The following TCEA3 variants were observed in gnomAD, a reference collection of about 807,000 sequenced individuals.
The protein encoded by TCEA3 is transcription elongation factor A3, also known as transcription elongation factor A protein 3.
TCEA3 carries 36 observed loss-of-function variants against 44.0 expected under a neutral mutation model. The ratio of observed to expected loss-of-function variants is 0.82; its 90% CI spans 0.63 to 1.08. The LOEUF (loss-of-function observed/expected upper bound fraction) is 1.08. Ranked by LOEUF, TCEA3 falls within the 50% of genes least tolerant of loss-of-function variation. The probability of loss-of-function intolerance (pLI) is 0.00; values close to 1 mark genes in which losing one functional copy is unlikely to be tolerated. For synonymous variants in TCEA3, 162 were observed against 159.7 expected (o/e 1.01, Z -0.11); for missense variants, 392 against 441.2 (o/e 0.89, Z 1.00).
At chr1:23,414,215 C>A (rs72661446) in intron 4 of TCEA3, among the ~76,000 whole-genome samples, 14,370 of 151,568 alleles carry the variant, frequency 0.095, 833 homozygotes, top group Non-Finnish European at 0.13. Flanking sequence ...CCTCAGCCTC[C>A]CAAGTAGCTG....
chr1:23,424,614 A>G lies in TCEA3; in HGVS notation c.20T>C (p.Leu7Pro). Residue 7 changes from leucine to proline, a missense_variant, in exon 1 of 11, where the codon CTG (leucine) becomes CCG (proline). Physicochemically the swap from Leu to Pro is moderately conservative, Grantham distance 98. Coordinates refer to ENST00000450454, the MANE Select transcript of TCEA3 (RefSeq NM_003196.3). ...CTCCAGCTTTTTGGCGATCCTCAGC[A>G]GCTCCTCTTCCTGGCCCATGTTGGC... MGQEEE[L>P]LRIAKKLEKM... is the part of the protein sequence containing the mutation. 1 of 1,608,252 alleles carries G rather than the reference A, an allele frequency of 6.2e-7. No individual in the cohort carries two copies.
At chr1:23,399,176 A>ATATATATATATATG (rs1392964847) in intron 5 of TCEA3, among the ~76,000 whole-genome samples, 1 of 141,922 alleles carries the variant, frequency 7.0e-6, no homozygotes, top group Non-Finnish European at 1.5e-5. Flanking sequence ...ATATATATAT[A>ATATATATATATATG]TATCCATATG....
intron 8 of TCEA3, among the ~76,000 whole-genome samples, chr1:23,388,676 A>T (rs1233126127): frequency 1.3e-5 from 2 of 151,804 alleles, no homozygotes; most frequent in Admixed American, 6.6e-5. Context: ...TGCATTTTTT[A>T]AAGTTCTTTA....
Position 23,424,576 on chromosome 1 carries a change from T to G in TCEA3, c.58A>C (p.Arg20=). 6.2e-7 allele frequency: 1 copy of G among 1,608,180 alleles called. No homozygotes were observed. The highest frequency in any genetic ancestry group is 8.5e-7 in the Non-Finnish European group (1 of 1,178,918). The change falls in exon 1 of 11, where the codon AGG becomes CGG. Residue 20 remains arginine, a synonymous_variant. Coordinates refer to ENST00000450454, the MANE Select transcript of TCEA3 (RefSeq NM_003196.3). ...IAKKLEKMVA[R]KNTEGALDLL... ...CTCTGCAGCCTCACCGTGTTCTTCC[T>G]GGCCACCATCTTCTCCAGCTTTTTG...
chr1:23,399,400 A>T lies in TCEA3; in HGVS notation c.444-1445T>A, dbSNP rs115542625. Among the ~76,000 whole-genome samples the T allele has an allele frequency of 8.9e-3, 1,358 of 151,870 alleles. 22 individuals are homozygous for T. The highest frequency in any genetic ancestry group is 0.03 in the African/African-American group (1,245 of 41,446). On this transcript the variant is annotated intron_variant, in intron 5 of 10. Transcript: ENST00000450454. ...GTATTCACATGGTGTCTCTTCTCAT[A>T]GGGACACTAATCCTATTGGATCAGG... is the stretch of plus-strand genomic sequence containing the variant.
At chr1:23,420,971 C>T (rs1258294955) in intron 1 of TCEA3, among the ~76,000 whole-genome samples, 2 of 152,174 alleles carry the variant, frequency 1.3e-5, no homozygotes, top group Non-Finnish European at 2.9e-5. Flanking sequence ...GCCCACAGTT[C>T]ATGGTTCCAG....
intron 5 of TCEA3, among the ~76,000 whole-genome samples, chr1:23,402,270 G>T (rs1570260876): frequency 6.6e-6 from 1 of 152,196 alleles, no homozygotes; most frequent in African/African-American, 2.4e-5. Context: ...AACCCGGGAG[G>T]TGGAGGCTGT....
chr1:23,422,340 G>A (rs1049387373), intron 1 of TCEA3, among the ~76,000 whole-genome samples: 2 of 152,202 alleles, frequency 1.3e-5, no homozygotes, highest in Admixed American at 1.3e-4. Flanking sequence ...TAACTACTGT[G>A]TTGTGGCCAC....
intron 8 of TCEA3, among the ~76,000 whole-genome samples, chr1:23,392,959 G>A (rs1639106740): frequency 4.6e-5 from 7 of 152,024 alleles, no homozygotes; most frequent in Admixed American, 4.6e-4. Context: ...ATTACAGTGT[G>A]ATATATATAA....
chr1:23,418,155 C>A, intron 2 of TCEA3, 146 bp from the exon 3 acceptor site: 1 of 722,562 alleles, frequency 1.4e-6, no homozygotes. Flanking sequence ...TGGCTGAGGT[C>A]AGAACCCCAC....
chr1:23,423,504 T>C (rs1481998558), intron 1 of TCEA3, among the ~76,000 whole-genome samples: 1 of 152,210 alleles, frequency 6.6e-6, no homozygotes, highest in African/African-American at 2.4e-5. Flanking sequence ...GACCCTTCCC[T>C]GGGCCTTGGC....
At chr1:23,417,664 G>A (rs1339786702) in intron 3 of TCEA3, among the ~76,000 whole-genome samples, 7 of 152,220 alleles carry the variant, frequency 4.6e-5, no homozygotes, top group East Asian at 1.9e-4. Context: ...ATAGACAAAT[G>A]CATGAGAGCA....
chr1:23,397,801 T>G lies in TCEA3; in HGVS notation c.598A>C (p.Lys200Gln), dbSNP rs754135180. ...GCCCAGGCTCTCTCACCGTCCGCCTTCAGGGCTGCTGACAGCATCTCCACA... is the reference window on the plus strand; with the variant it reads ...GCCCAGGCTCTCTCACCGTCCGCCTGCAGGGCTGCTGACAGCATCTCCACA... ...KCVEMLSAAL[K>Q]ADDDYKDYGV... is the part of the protein sequence containing the mutation. The change falls in exon 6 of 11, where the codon AAG becomes CAG. Residue 200 changes from lysine to glutamine, a missense_variant. By Grantham distance (53) the Lys-to-Gln change is moderately conservative. Transcript: ENST00000450454. The G allele has an allele frequency of 6.2e-7, 1 of 1,613,914 alleles. No homozygotes were observed. Among genetic ancestry groups the G allele is most frequent in the Non-Finnish European group, 8.5e-7 (1 of 1,179,872 alleles).
intron 7 of TCEA3, 104 bp downstream of exon 7, chr1:23,397,441 C>T (rs767161823): frequency 6.1e-5 from 63 of 1,033,674 alleles, no homozygotes; most frequent in Non-Finnish European, 8.1e-5. Context: ...GGGCTGTTCC[C>T]GGAGCCCTTC....
intron 5 of TCEA3, among the ~76,000 whole-genome samples, chr1:23,407,295 T>A (rs893856124): frequency 6.6e-6 from 1 of 152,182 alleles, no homozygotes; most frequent in Non-Finnish European, 1.5e-5. Context: ...CAAGCCACCA[T>A]GATATCTTGC....
At chr1:23,403,794 A>G (rs1639464095) in intron 5 of TCEA3, 1 of 389,988 alleles carries the variant, frequency 2.6e-6, no homozygotes, top group Non-Finnish European at 4.8e-6. Context: ...GAGCAAGACT[A>G]GGCTGTTTGG....
chr1:23,421,820 T>A (rs1640074074), intron 1 of TCEA3, among the ~76,000 whole-genome samples: 1 of 152,254 alleles, frequency 6.6e-6, no homozygotes, highest in African/African-American at 2.4e-5. Context: ...TTGCTGTGTT[T>A]AACCACCAGG....
chr1:23,396,428 C>CA (rs1156425792), intron 7 of TCEA3, among the ~76,000 whole-genome samples: 2 of 152,158 alleles, frequency 1.3e-5, no homozygotes, highest in Non-Finnish European at 2.9e-5. Context: ...CCTTTTGGTG[C>CA]AACAGATCTA....
intron 5 of TCEA3, among the ~76,000 whole-genome samples, chr1:23,402,081 C>G (rs1558047715): frequency 6.6e-6 from 1 of 152,208 alleles, no homozygotes; most frequent in Non-Finnish European, 1.5e-5. Flanking sequence ...TGGCTCATGC[C>G]TAAAGTCCCA....
Sources: allele counts gnomAD v4.1 joint callset (sites outside exome capture counted in the v4.1 genomes callset), GRCh38; gene constraint gnomAD v4.1.1; transcripts MANE v1.5; gene names NCBI Gene and HGNC (gene_info 2026-07-23, HGNC 2026-07-21).